The following ALDH7A1 variants were observed in gnomAD, a reference collection of about 807,000 sequenced individuals.
ALDH7A1 encodes the protein aldehyde dehydrogenase 7 family member A1.
A neutral mutation model predicts 79.9 loss-of-function variants in ALDH7A1; 63 were observed. That is an observed-to-expected ratio of 0.79 (90% CI 0.64 to 0.97). The LOEUF (loss-of-function observed/expected upper bound fraction) is 0.97, where lower values mean the gene tolerates loss of function less well. ALDH7A1 is among the 50% of genes least tolerant of loss of function. The pLI is 0.00. For synonymous variants in ALDH7A1, 240 were observed against 231.2 expected, an observed-to-expected ratio of 1.04 and a Z score of -0.34; for missense variants, 627 against 665.2, an observed-to-expected ratio of 0.94 and a Z score of 0.63.
chr5:126,585,895 T>C (rs1417507434), intron 3 of ALDH7A1, among the ~76,000 whole-genome samples: 1 of 152,182 alleles, frequency 6.6e-6, no homozygotes, highest in Non-Finnish European at 1.5e-5. Flanking sequence ...ACTGAGCTTA[T>C]ATACATAAGT....
At position 126,544,755 on chromosome 5, in the gene ALDH7A1, T is replaced by C; in HGVS notation, c.*210A>G. 1.8e-6 allele frequency: 1 copy of C among 562,508 alleles called. No individual in the cohort carries two copies. Among genetic ancestry groups the C allele is most frequent in the East Asian group, 3.0e-5 (1 of 33,128 alleles). The allele number at this position is 562,508 out of a possible 1,614,324, so 34.8% of individuals were successfully genotyped here. ...AATAAAAATCCACCTAACTCATCTT[T>C]TAGTAACTATGGCTATGTTGTAACA... On this transcript the variant is annotated 3_prime_UTR_variant, in exon 18 of 18. Transcript: ENST00000409134.
At chr5:126,593,727 C>G in intron 1 of ALDH7A1, 1 of 448,126 alleles carries the variant, frequency 2.2e-6, no homozygotes, top group East Asian at 4.5e-5. Context: ...TTAGTTATTT[C>G]TTCTCTTCCT....
At position 126,591,387 on chromosome 5, in the gene ALDH7A1, T is replaced by TA. The variant is rs879598820; in HGVS notation, c.312+1276dup. On this transcript the variant is annotated intron_variant, in intron 3 of 17. Transcript: ENST00000409134. ...TTACACAAAGACGTATCTTGGCTGA[T>TA]AAAAAAAAAAAGCTTCATCCAACCC... Among the ~76,000 whole-genome samples, 191 of 143,146 alleles carry TA rather than the reference T, an allele frequency of 1.3e-3. 1 individual carries two copies. Among genetic ancestry groups the TA allele is most frequent in the Admixed American group, 7.7e-4 (11 of 14,196 alleles). 93.9% of individuals were successfully genotyped at this position (143,146 alleles called of 152,430 possible).
Position 126,545,725 on chromosome 5 carries a change from G to A in ALDH7A1, c.1565+599C>T, listed in dbSNP as rs141821850. On this transcript the variant is annotated intron_variant, in intron 17 of 17. Transcript: ENST00000409134. ...CGCTGGAATCTGGGAGGCGGAGGCT[G>A]AGGCTGCAGTGAGCTGAGATCAGGC... is the stretch of plus-strand genomic sequence containing the variant. 2.8e-3 allele frequency among the ~76,000 whole-genome samples: 423 copies of A among 151,510 alleles called. 8 individuals carry two copies. Among genetic ancestry groups the A allele is most frequent in the Admixed American group, 0.022 (335 of 15,246 alleles).
chr5:126,554,353 C>T lies in ALDH7A1; in HGVS notation c.1134G>A (p.Val378=). ...CTTCCACTGCTCCAAGAAACATGCTCACTGCCTGCTTGGTGTGGAGTGGCC... is the reference window on the plus strand; with the variant it reads ...CTTCCACTGCTCCAAGAAACATGCTTACTGCCTGCTTGGTGTGGAGTGGCC... ...LYGPLHTKQA[V]SMFLGAVEEA... Residue 378 remains valine (V), a synonymous_variant, in exon 13 of 18, where the codon GTG becomes GTA. Transcript: ENST00000409134. The T allele has an allele frequency of 6.2e-7, 1 of 1,614,142 alleles. No homozygotes were observed. Among genetic ancestry groups the T allele is most frequent in the Non-Finnish European group, 8.5e-7 (1 of 1,180,016 alleles).
chr5:126,546,655 A>AG (rs1554097891), intron 16 of ALDH7A1, among the ~76,000 whole-genome samples: 7 of 145,862 alleles, frequency 4.8e-5, no homozygotes, highest in African/African-American at 2.0e-4. Flanking sequence ...AAACGGTAAA[A>AG]AAAAAAAAAA....
intron 16 of ALDH7A1, 101 bp downstream of exon 16, chr5:126,549,828 T>C (rs1182908279): frequency 9.6e-7 from 1 of 1,044,418 alleles, no homozygotes; most frequent in African/African-American, 1.6e-5. Context: ...TATTTCAGAA[T>C]ATAAGGAGTG....
chr5:126,547,892 A>T (rs1343441057), intron 16 of ALDH7A1, among the ~76,000 whole-genome samples: 1 of 152,112 alleles, frequency 6.6e-6, no homozygotes, highest in Admixed American at 6.6e-5. Context: ...TCTACTAAAA[A>T]AATACAAAAA....
intron 1 of ALDH7A1, chr5:126,593,729 T>C (rs1005511198): frequency 2.2e-6 from 1 of 448,524 alleles, no homozygotes; most frequent in African/African-American, 2.0e-5. Flanking sequence ...AGTTATTTCT[T>C]CTCTTCCTTA....
At chr5:126,573,116 CAAAAAA>C (rs11290126) in intron 7 of ALDH7A1, among the ~76,000 whole-genome samples, 1 of 95,206 alleles carries the variant, frequency 1.1e-5, no homozygotes, top group Non-Finnish European at 2.1e-5. Context: ...CCATTTAAAG[CAAAAAA>C]AAAAAAAAAA....
intron 3 of ALDH7A1, among the ~76,000 whole-genome samples, chr5:126,590,767 A>G (rs952540789): frequency 3.9e-5 from 6 of 151,942 alleles, no homozygotes; most frequent in Non-Finnish European, 8.8e-5. Flanking sequence ...TGTACGTGTA[A>G]TCCCAGCCAC....
chr5:126,584,401 C>G (rs1231407065), intron 3 of ALDH7A1: 1 of 265,498 alleles, frequency 3.8e-6, no homozygotes, highest in Non-Finnish European at 7.3e-6. Flanking sequence ...GTGGCTCACA[C>G]CTGTAATCCC....
chr5:126,568,223 G>A, intron 9 of ALDH7A1, 36 bp downstream of exon 9: 1 of 1,597,868 alleles, frequency 6.3e-7, no homozygotes, highest in South Asian at 1.1e-5. Context: ...CCATATTTGA[G>A]AGAATTAAAA....
intron 5 of ALDH7A1, 80 bp downstream of exon 5, chr5:126,582,771 C>A: frequency 6.5e-7 from 1 of 1,545,692 alleles, no homozygotes; most frequent in South Asian, 1.1e-5. Flanking sequence ...TTTGCACAGT[C>A]AATAGCCAGA....
intron 13 of ALDH7A1, among the ~76,000 whole-genome samples, chr5:126,552,589 G>T (rs973868201): frequency 6.6e-6 from 1 of 151,594 alleles, no homozygotes; most frequent in Non-Finnish European, 1.5e-5. Context: ...TAGAGACCAG[G>T]TTTCACCATT....
rs142510783 is a variant in ALDH7A1, at chr5:126,593,308, A to AAC, written c.246+41_246+42dup. On this transcript the variant is annotated intron_variant, in intron 2 of 17. Coordinates refer to ENST00000409134, the MANE Select transcript of ALDH7A1 (RefSeq NM_001182.5). ...AACTCCTTGTGTATAATTTGAATTA[A>AAC]ACACACACACACACACACACACACA... 207,778 of 1,535,936 alleles carry AAC rather than the reference A, an allele frequency of 0.14. 1,747 individuals are homozygous for AAC. The highest frequency in any genetic ancestry group is 0.28 in the East Asian group (12,166 of 43,370).
In ALDH7A1 at chr5:126,582,918, A is replaced by G. The variant is rs375095250; in HGVS notation, c.450T>C (p.Tyr150=). The part of the protein sequence containing the change: ...LVEGVGEVQE[Y]VDICDYAVGL... ...CAACAGCATAGTCACAGATATCCAC[A>G]TACTCCTGAACTTCACCCACACCTT... The change falls in exon 5 of 18, where the codon TAT becomes TAC. Residue 150 remains tyrosine (Y), a synonymous_variant. Transcript: ENST00000409134. The G allele has an allele frequency of 3.1e-6, 5 of 1,613,712 alleles. No homozygotes were observed. The highest frequency in any genetic ancestry group is 4.5e-5 in the East Asian group (2 of 44,844).
chr5:126,553,875 G>C (rs758766263), intron 13 of ALDH7A1, among the ~76,000 whole-genome samples: 1 of 151,902 alleles, frequency 6.6e-6, no homozygotes, highest in Admixed American at 6.6e-5. Context: ...TAGGAGGCCA[G>C]GGTGGGTGGA....
chr5:126,571,176 T>TTTTTTTA (rs869167520), intron 7 of ALDH7A1: 15 of 305,588 alleles, frequency 4.9e-5, no homozygotes, highest in African/African-American at 2.6e-4. Flanking sequence ...TTTTTTTTTT[T>TTTTTTTA]AGCCCTAAAA....
Sources: allele counts gnomAD v4.1 joint callset (sites outside exome capture counted in the v4.1 genomes callset), GRCh38; gene constraint gnomAD v4.1.1; transcripts MANE v1.5; gene names NCBI Gene and HGNC (gene_info 2026-07-23, HGNC 2026-07-21).